TNFSF4: variants seen among roughly 807,000 people sequenced by gnomAD.
TNFSF4 encodes the protein TNF superfamily member 4.
Under a neutral mutation model 7.3 loss-of-function variants are expected in TNFSF4, and 4 were observed. The observed-to-expected ratio is 0.55, with a 90% CI of 0.27 to 1.25. TNFSF4 has a LOEUF of 1.25. Ranked by LOEUF, TNFSF4 falls within the 50% of genes most tolerant of loss-of-function variation. The pLI is 0.12. For synonymous variants in TNFSF4, 76 were observed against 83.7 expected (o/e 0.91, Z 0.50); for missense variants, 181 against 208.8 (o/e 0.87, Z 0.82).
At chr1:173,215,601 T>C in the TNFSF4 span, among the ~76,000 whole-genome samples, 2 of 152,234 alleles carry the variant, frequency 1.3e-5, no homozygotes, top group Non-Finnish European at 2.9e-5. Context: ...ATGCAAATGT[T>C]ATGGTGTTGC....
chr1:173,250,754 C>T, the TNFSF4 span, among the ~76,000 whole-genome samples: 1 of 152,132 alleles, frequency 6.6e-6, no homozygotes, highest in African/African-American at 2.4e-5. Flanking sequence ...CCACCGCGCC[C>T]GGCCTCTCCA....
chr1:173,405,096 G>A, the TNFSF4 span, among the ~76,000 whole-genome samples: 1 of 152,080 alleles, frequency 6.6e-6, no homozygotes, highest in East Asian at 1.9e-4. Flanking sequence ...TAAGTTTCCT[G>A]TGGGCAGAGA....
chr1:173,388,136 C>T, the TNFSF4 span, among the ~76,000 whole-genome samples: 1 of 152,176 alleles, frequency 6.6e-6, no homozygotes, highest in Non-Finnish European at 1.5e-5. Flanking sequence ...ATATAGTAAG[C>T]ACTCAATAAA....
the TNFSF4 span, among the ~76,000 whole-genome samples, chr1:173,309,590 A>AT: frequency 4.6e-5 from 7 of 151,680 alleles, no homozygotes; most frequent in Admixed American, 3.3e-4. Flanking sequence ...TTGCCTGCTG[A>AT]TTTTTTTAGG....
the TNFSF4 span, among the ~76,000 whole-genome samples, chr1:173,344,178 T>C: frequency 6.6e-6 from 1 of 152,104 alleles, no homozygotes; most frequent in Non-Finnish European, 1.5e-5. Flanking sequence ...GAATATAGAA[T>C]ACCAGCACGA....
the TNFSF4 span, among the ~76,000 whole-genome samples, chr1:173,393,605 T>C: frequency 0.011 from 1,733 of 152,372 alleles, 35 homozygotes; most frequent in African/African-American, 0.04. Context: ...TAAAGTTCTG[T>C]AGCACAATAG....
At chr1:173,258,082 T>C in the TNFSF4 span, among the ~76,000 whole-genome samples, 2 of 152,108 alleles carry the variant, frequency 1.3e-5, no homozygotes, top group African/African-American at 4.8e-5. Context: ...GGTTAGCAGT[T>C]ATCTCCCGGG....
chr1:173,310,705 C>A, the TNFSF4 span, among the ~76,000 whole-genome samples: 391 of 150,578 alleles, frequency 2.6e-3, 5 homozygotes, highest in South Asian at 0.019. Context: ...TTGTAGCAGT[C>A]ACTGAGAAAT....
At chr1:173,417,505 G>A in the TNFSF4 span, among the ~76,000 whole-genome samples, 1 of 63,922 alleles carries the variant, frequency 1.6e-5, no homozygotes, top group Non-Finnish European at 3.4e-5. Context: ...AAACCACGTG[G>A]AAGCGTGGCC....
the TNFSF4 span, among the ~76,000 whole-genome samples, chr1:173,307,165 A>G: frequency 6.6e-6 from 1 of 152,026 alleles, no homozygotes; most frequent in South Asian, 2.1e-4. Flanking sequence ...ACTTTTTCCC[A>G]AAAATGCTGA....
chr1:173,360,102 A>C, the TNFSF4 span, among the ~76,000 whole-genome samples: 1 of 152,254 alleles, frequency 6.6e-6, no homozygotes, highest in Non-Finnish European at 1.5e-5. Flanking sequence ...GCTTCTCCCC[A>C]TTCCAACTAG....
the TNFSF4 span, among the ~76,000 whole-genome samples, chr1:173,306,965 C>A: frequency 6.6e-6 from 1 of 151,886 alleles, no homozygotes; most frequent in South Asian, 2.1e-4. Flanking sequence ...GAACACATAA[C>A]AAATTCTCCA....
chr1:173,196,961 C>T (rs1649726530), intron 1 of TNFSF4, among the ~76,000 whole-genome samples: 1 of 152,184 alleles, frequency 6.6e-6, no homozygotes, highest in Non-Finnish European at 1.5e-5. Context: ...CACTGCCTTG[C>T]CATACCTCCT....
chr1:173,221,677 G>T, the TNFSF4 span, among the ~76,000 whole-genome samples: 3 of 152,130 alleles, frequency 2.0e-5, no homozygotes, highest in Non-Finnish European at 4.4e-5. Flanking sequence ...GTTTTGCACA[G>T]CTCCTCATAT....
At chr1:173,230,901 G>A in the TNFSF4 span, among the ~76,000 whole-genome samples, 1 of 152,188 alleles carries the variant, frequency 6.6e-6, no homozygotes, top group African/African-American at 2.4e-5. Flanking sequence ...CCAGGAAGAA[G>A]TTGAATCCCT....
chr1:173,427,421 C>G, the TNFSF4 span, among the ~76,000 whole-genome samples: 2 of 152,208 alleles, frequency 1.3e-5, no homozygotes, highest in African/African-American at 2.4e-5. Context: ...CCCGCCCCCC[C>G]ACTGACCCCA....
At chr1:173,367,993 T>A in the TNFSF4 span, among the ~76,000 whole-genome samples, 1 of 152,088 alleles carries the variant, frequency 6.6e-6, no homozygotes, top group Non-Finnish European at 1.5e-5. Context: ...CAATCAGCAC[T>A]CTGTAGCTAG....
chr1:173,376,378 G>T, the TNFSF4 span, among the ~76,000 whole-genome samples: 6 of 152,170 alleles, frequency 3.9e-5, no homozygotes, highest in African/African-American at 1.4e-4. Context: ...CCAAAGGTGG[G>T]AGTTGAACAA....
the TNFSF4 span, among the ~76,000 whole-genome samples, chr1:173,213,182 A>T: frequency 6.6e-6 from 1 of 152,332 alleles, no homozygotes; most frequent in African/African-American, 2.4e-5. Flanking sequence ...TTCAAATACA[A>T]ATGTGAACTC....
Sources: allele counts gnomAD v4.1 joint callset (sites outside exome capture counted in the v4.1 genomes callset), GRCh38; gene constraint gnomAD v4.1.1; transcripts MANE v1.5; gene names NCBI Gene and HGNC (gene_info 2026-07-23, HGNC 2026-07-21).